CSMD1: variants seen among roughly 807,000 people sequenced by gnomAD.
CSMD1 encodes CUB and Sushi multiple domains 1.
Under a neutral mutation model 417.5 loss-of-function variants are expected in CSMD1, and 213 were observed. The observed-to-expected ratio is 0.51, with a 90% CI of 0.46 to 0.57. The LOEUF (loss-of-function observed/expected upper bound fraction) is 0.57, where lower values mean the gene tolerates loss of function less well. Among genes scored for constraint, CSMD1 ranks in the 20% least tolerant of loss-of-function variants. CSMD1 has a pLI of 0.00. For missense variants in CSMD1, 6,923 were observed against 4,529.7 expected (o/e 1.53, Z -15.17); for synonymous variants, 2,862 against 1,736.8 (o/e 1.65, Z -16.11).
intron 3 of CSMD1, among the ~76,000 whole-genome samples, chr8:4,380,587 C>G (rs984644091): frequency 3.3e-5 from 5 of 152,090 alleles, no homozygotes; most frequent in African/African-American, 4.8e-5. Context: ...GGAATGAGAA[C>G]ATTAGGTGAA....
At chr8:3,870,120 G>A (rs1182014552) in intron 5 of CSMD1, among the ~76,000 whole-genome samples, 3 of 152,104 alleles carry the variant, frequency 2.0e-5, no homozygotes, top group Admixed American at 1.3e-4. Context: ...CTATAAACAG[G>A]TAGAATAAAA....
chr8:3,680,634 C>G (rs972756681), intron 7 of CSMD1, among the ~76,000 whole-genome samples: 1 of 152,210 alleles, frequency 6.6e-6, no homozygotes, highest in African/African-American at 2.4e-5. Flanking sequence ...ACCATTCCTT[C>G]TGAAACTATT....
chr8:4,478,459 A>T (rs745310851), intron 2 of CSMD1, among the ~76,000 whole-genome samples: 1 of 152,162 alleles, frequency 6.6e-6, no homozygotes, highest in Non-Finnish European at 1.5e-5. Flanking sequence ...ATAAAAATTG[A>T]ATCAATAGTT....
Position 3,887,301 on chromosome 8 carries a change from C to A in CSMD1, c.818+110602G>T, listed in dbSNP as rs114669245. ...CTGGGAGGCCCACGGTACATCCTCC[C>A]CCCATCGCCAGGTGATAGTTTCTGA... On this transcript the variant is annotated intron_variant, in intron 5 of 69. Transcript: ENST00000635120. Among the ~76,000 whole-genome samples, 139 of 152,262 alleles carry A rather than the reference C, an allele frequency of 9.1e-4. 1 individual carries two copies. The highest frequency in any genetic ancestry group is 2.9e-3 in the African/African-American group (119 of 41,548).
chr8:4,710,435 A>C (rs1266934190), intron 1 of CSMD1, among the ~76,000 whole-genome samples: 2 of 147,220 alleles, frequency 1.4e-5, no homozygotes, highest in African/African-American at 4.9e-5. Flanking sequence ...ATACAATATA[A>C]ACTTTATATA....
intron 5 of CSMD1, among the ~76,000 whole-genome samples, chr8:3,785,004 G>A (rs976333426): frequency 6.6e-6 from 1 of 152,092 alleles, no homozygotes; most frequent in African/African-American, 2.4e-5. Flanking sequence ...AGATTCTCTA[G>A]CTAAACAGTT....
At chr8:4,316,296 A>C (rs917136380) in intron 3 of CSMD1, among the ~76,000 whole-genome samples, 2 of 152,172 alleles carry the variant, frequency 1.3e-5, no homozygotes, top group Non-Finnish European at 2.9e-5. Flanking sequence ...AGATATCTCA[A>C]GGAATGCTGC....
At chr8:4,767,704 G>C (rs1419455771) in intron 1 of CSMD1, among the ~76,000 whole-genome samples, 1 of 152,144 alleles carries the variant, frequency 6.6e-6, no homozygotes, top group Non-Finnish European at 1.5e-5. Flanking sequence ...CAGGTACCCA[G>C]GCTGGATGAA....
chr8:4,431,289 T>A (rs1030856533), intron 2 of CSMD1, among the ~76,000 whole-genome samples: 1 of 152,200 alleles, frequency 6.6e-6, no homozygotes, highest in African/African-American at 2.4e-5. Flanking sequence ...TATTTTATCA[T>A]ATCTCACAAA....
chr8:3,837,778 T>C (rs1199396430), intron 5 of CSMD1, among the ~76,000 whole-genome samples: 1 of 151,422 alleles, frequency 6.6e-6, no homozygotes, highest in Non-Finnish European at 1.5e-5. Context: ...ATCTTTGTTT[T>C]CTCAGACTGC....
At chr8:4,724,506 C>T (rs1007116706) in intron 1 of CSMD1, among the ~76,000 whole-genome samples, 21 of 135,074 alleles carry the variant, frequency 1.6e-4, no homozygotes, top group South Asian at 7.8e-4. Context: ...AATATAGTAG[C>T]TCTTTATATA....
intron 7 of CSMD1, among the ~76,000 whole-genome samples, chr8:3,647,174 A>G (rs947989012): frequency 1.3e-5 from 2 of 152,258 alleles, no homozygotes; most frequent in Middle Eastern, 3.4e-3. Flanking sequence ...GTGCAACTCA[A>G]GTTCAAGAGG....
chr8:4,057,991 G>C (rs944055975), intron 3 of CSMD1, among the ~76,000 whole-genome samples: 15 of 151,268 alleles, frequency 9.9e-5, no homozygotes, highest in African/African-American at 3.6e-4. Context: ...TTGTTCTTTT[G>C]CCTTAGGATT....
intron 3 of CSMD1, among the ~76,000 whole-genome samples, chr8:4,237,844 A>G (rs185546820): frequency 1.6e-4 from 25 of 152,274 alleles, no homozygotes; most frequent in Admixed American, 1.6e-3. Flanking sequence ...GAAGCTTTAT[A>G]TTGTATTATT....
chr8:3,187,717 A>T (rs1796145723), intron 36 of CSMD1, among the ~76,000 whole-genome samples, 152 bp downstream of exon 36: 1 of 151,932 alleles, frequency 6.6e-6, no homozygotes, highest in Admixed American at 6.6e-5. Flanking sequence ...TGATGGTCTT[A>T]CTCTAAGACT....
intron 5 of CSMD1, among the ~76,000 whole-genome samples, chr8:3,982,831 T>G (rs1315629236): frequency 6.6e-6 from 1 of 152,200 alleles, no homozygotes; most frequent in African/African-American, 2.4e-5. Context: ...CGATGGTCAC[T>G]TTCATCATTG....
Position 4,382,649 on chromosome 8 carries a change from A to T in CSMD1, c.415+37304T>A, listed in dbSNP as rs1459625321. On this transcript the variant is annotated intron_variant, in intron 3 of 69. Transcript: ENST00000635120. ...TAATTGCATCTAAGTTTAGGAAAAC[A>T]AGTCTTCACATCAGGTCTTAGCATA... Among the ~76,000 whole-genome samples, 3 of 152,220 alleles carry T rather than the reference A, an allele frequency of 2.0e-5. No homozygotes were observed. The East Asian group carries it at 5.8e-4, about 29-fold the overall frequency.
intron 11 of CSMD1, among the ~76,000 whole-genome samples, chr8:3,486,861 T>A (rs1305738994): frequency 6.6e-6 from 1 of 152,138 alleles, no homozygotes; most frequent in Non-Finnish European, 1.5e-5. Context: ...ACCAACAGGG[T>A]TCTTGGAAGA....
intron 3 of CSMD1, among the ~76,000 whole-genome samples, chr8:4,060,682 G>T (rs1375530868): frequency 2.0e-5 from 3 of 152,154 alleles, no homozygotes; most frequent in East Asian, 1.9e-4. Context: ...CATAGATAAG[G>T]CCTGAGAAAT....
Sources: allele counts gnomAD v4.1 joint callset (sites outside exome capture counted in the v4.1 genomes callset), GRCh38; gene constraint gnomAD v4.1.1; transcripts MANE v1.5; gene names NCBI Gene and HGNC (gene_info 2026-07-23, HGNC 2026-07-21).